Variants in NF1 observed in about 807,000 individuals in gnomAD.
NF1 encodes the protein neurofibromin.
NF1 carries 122 observed loss-of-function variants against 325.7 expected under a neutral mutation model. The observed-to-expected ratio is 0.37, with a 90% CI of 0.32 to 0.44. NF1 has a LOEUF of 0.44. NF1 is among the 20% of genes least tolerant of loss of function. The pLI is 1.00. For missense variants in NF1, 2,140 were observed against 3,415.4 expected, an observed-to-expected ratio of 0.63 and a Z score of 9.31; for synonymous variants, 1,091 against 1,186.0, an observed-to-expected ratio of 0.92 and a Z score of 1.65.
chr17:31,181,386 T>A lies in NF1; in HGVS notation c.587-36T>A, dbSNP rs200944363. On this transcript the variant is annotated intron_variant, in intron 5 of 57. Coordinates refer to ENST00000358273, the MANE Select transcript of NF1 (RefSeq NM_001042492.3). ...CTGAGTTGTATTTGTGTTAACTTAT[T>A]CTAGAGTTAATTTTTAAAAATTGTG... The A allele has an allele frequency of 1.0e-5, 16 of 1,560,242 alleles. No homozygotes were observed. The Admixed American group carries it at 2.0e-4, about 20-fold the overall frequency.
At chr17:31,309,168 C>A (rs1443643566) in intron 36 of NF1, among the ~76,000 whole-genome samples, 2 of 152,174 alleles carry the variant, frequency 1.3e-5, no homozygotes, top group African/African-American at 4.8e-5. Flanking sequence ...CCACCTGATT[C>A]CAAAGCATAC....
chr17:31,245,129 A>G (rs1312675291), intron 29 of NF1, among the ~76,000 whole-genome samples: 1 of 152,166 alleles, frequency 6.6e-6, no homozygotes, highest in Non-Finnish European at 1.5e-5. Context: ...TCAAAAAAAA[A>G]ATTTCACAAA....
At chr17:31,277,292 G>A (rs535851146) in intron 36 of NF1, among the ~76,000 whole-genome samples, 1 of 152,274 alleles carries the variant, frequency 6.6e-6, no homozygotes, top group South Asian at 2.1e-4. Flanking sequence ...TAAGCCTGAT[G>A]TCTAACTTCT....
chr17:31,262,006 ATTATT>A, intron 35 of NF1, 149 bp downstream of exon 35: 1 of 675,782 alleles, frequency 1.5e-6, no homozygotes, highest in Non-Finnish European at 2.5e-6. Context: ...CCAACTATAT[ATTATT>A]TATATATATA....
intron 31 of NF1, 48 bp downstream of exon 31, chr17:31,253,048 A>G (rs1567859837): frequency 6.8e-7 from 1 of 1,464,204 alleles, no homozygotes; most frequent in East Asian, 2.3e-5. Flanking sequence ...AAGCAAAACA[A>G]AAATCTTTTG....
chr17:31,277,599 C>T (rs2068033143), intron 36 of NF1, among the ~76,000 whole-genome samples: 1 of 152,110 alleles, frequency 6.6e-6, no homozygotes, highest in African/African-American at 2.4e-5. Context: ...TATCATTGGG[C>T]TCCCCTCCTT....
At chr17:31,238,769 C>CT (rs2067246004) in intron 29 of NF1, among the ~76,000 whole-genome samples, 1 of 151,512 alleles carries the variant, frequency 6.6e-6, no homozygotes, top group South Asian at 2.1e-4. Context: ...GAAGGTCACA[C>CT]TTTAAGGAAT....
intron 36 of NF1, among the ~76,000 whole-genome samples, chr17:31,274,437 A>G (rs560941502): frequency 5.2e-4 from 79 of 152,334 alleles, no homozygotes; most frequent in African/African-American, 1.9e-3. Context: ...AGTACAAGCC[A>G]GTACATGTTC....
chr17:31,200,232 A>T (rs1567834861), intron 8 of NF1, among the ~76,000 whole-genome samples, 190 bp from the exon 9 acceptor site: 1 of 151,638 alleles, frequency 6.6e-6, no homozygotes, highest in African/African-American at 2.4e-5. Context: ...TAGAAAAAGG[A>T]TTTTTTTTAA....
At chr17:31,322,092 T>TACACACACACAC (rs1491535600) in intron 36 of NF1, among the ~76,000 whole-genome samples, 2 of 48,554 alleles carry the variant, frequency 4.1e-5, no homozygotes, top group Admixed American at 4.8e-4. Context: ...GTAGTGTGTG[T>TACACACACACAC]ATACACACAC....
intron 36 of NF1, chr17:31,295,553 G>T: frequency 6.2e-7 from 1 of 1,614,082 alleles, no homozygotes; most frequent in Non-Finnish European, 8.5e-7. Flanking sequence ...TTCCTTTAAA[G>T]ATGATATTTG....
At chr17:31,351,214 T>G (rs746691848) in intron 50 of NF1, among the ~76,000 whole-genome samples, 1 of 114,410 alleles carries the variant, frequency 8.7e-6, no homozygotes, top group Non-Finnish European at 2.3e-5. Flanking sequence ...AGACTTAATT[T>G]TTTCTGATTT....
At chr17:31,261,675 T>G (rs769456297) in intron 34 of NF1, 36 bp from the exon 35 acceptor site, 3 of 1,611,352 alleles carry the variant, frequency 1.9e-6, no homozygotes, top group South Asian at 2.2e-5. Context: ...AAATGTGAAC[T>G]GCTAATTTTT....
chr17:31,314,004 A>T (rs1597812798), intron 36 of NF1: 1 of 398,144 alleles, frequency 2.5e-6, no homozygotes, highest in Non-Finnish European at 4.4e-6. Flanking sequence ...CTTTTGCAGA[A>T]TGCTAAATTC....
At chr17:31,344,857 G>C (rs1041078499) in intron 48 of NF1, among the ~76,000 whole-genome samples, 2 of 152,242 alleles carry the variant, frequency 1.3e-5, no homozygotes, top group Non-Finnish European at 2.9e-5. Context: ...TGGATTGCTT[G>C]AGGCCAAGAG....
chr17:31,220,439 C>T (rs549324096), intron 14 of NF1, among the ~76,000 whole-genome samples: 137 of 152,180 alleles, frequency 9.0e-4, no homozygotes, highest in Non-Finnish European at 1.5e-3. Context: ...AATTCAATTT[C>T]TATCACTTTA....
At chr17:31,194,563 A>G (rs1027626481) in intron 8 of NF1, among the ~76,000 whole-genome samples, 1 of 152,154 alleles carries the variant, frequency 6.6e-6, no homozygotes, top group African/African-American at 2.4e-5. Context: ...AGAAATGATA[A>G]GAGATGATGG....
chr17:31,097,328 G>C (rs1353862227), intron 1 of NF1, among the ~76,000 whole-genome samples: 1 of 151,870 alleles, frequency 6.6e-6, no homozygotes, highest in Non-Finnish European at 1.5e-5. Flanking sequence ...CATGGTGGCG[G>C]GCGCCTGTAA....
At chr17:31,221,733 C>T (rs1375379066) in intron 14 of NF1, 117 bp from the exon 15 acceptor site, 1 of 736,868 alleles carries the variant, frequency 1.4e-6, no homozygotes, top group South Asian at 1.6e-5. Flanking sequence ...TATATTGAAA[C>T]TACAAATGAA....
Sources: allele counts gnomAD v4.1 joint callset (sites outside exome capture counted in the v4.1 genomes callset), GRCh38; gene constraint gnomAD v4.1.1; transcripts MANE v1.5; gene names NCBI Gene and HGNC (gene_info 2026-07-23, HGNC 2026-07-21).